DYDC2: variants seen among roughly 807,000 people sequenced by gnomAD.
DYDC2 encodes the protein DPY30 domain-containing protein 2.
Under a neutral mutation model 18.7 loss-of-function variants are expected in DYDC2, and 19 were observed. The ratio of observed to expected loss-of-function variants is 1.02; its 90% CI spans 0.71 to 1.49. The LOEUF (loss-of-function observed/expected upper bound fraction) is 1.49, where lower values mean the gene tolerates loss of function less well. Ranked by LOEUF, DYDC2 falls within the 40% of genes most tolerant of loss-of-function variation. The pLI, the probability that DYDC2 is intolerant of heterozygous loss-of-function variation, is 0.00. For missense variants in DYDC2, 179 were observed against 205.1 expected, an observed-to-expected ratio of 0.87 and a Z score of 0.78; for synonymous variants, 63 against 67.6, an observed-to-expected ratio of 0.93 and a Z score of 0.34.
chr10:80,354,890 T>C (rs537450923), upstream of DYDC2, among the ~76,000 whole-genome samples: 32 of 152,124 alleles, frequency 2.1e-4, no homozygotes, highest in Non-Finnish European at 3.5e-4. Flanking sequence ...GGTAATTTGC[T>C]ACAGCAGCGC....
chr10:80,345,712 A>G (rs1244651230), intron 1 of DYDC2, among the ~76,000 whole-genome samples: 1 of 151,818 alleles, frequency 6.6e-6, no homozygotes, highest in Non-Finnish European at 1.5e-5. Context: ...GGTTTATTTC[A>G]CTTAACATCA....
intron 2 of DYDC2, among the ~76,000 whole-genome samples, chr10:80,358,660 G>A (rs2132882007): frequency 6.6e-6 from 1 of 152,324 alleles, no homozygotes; most frequent in African/African-American, 2.4e-5. Flanking sequence ...AGGCAAAGTA[G>A]ATTGGTAACT....
rs1267961390 is a variant in DYDC2, at chr10:80,366,758, A to G, written c.341A>G (p.Lys114Arg). 2.5e-6 allele frequency: 4 copies of G among 1,614,080 alleles called. No homozygotes were observed. In the Admixed American group the frequency reaches 6.7e-5, roughly 27 times the overall value. The change falls in exon 5 of 5, where the codon AAG (lysine) becomes AGG (arginine). Residue 114 changes from lysine to arginine, a missense_variant. By Grantham distance (26) the Lys-to-Arg change is conservative. Transcript: ENST00000256039. ...CAGGAGGACACAAACCCCCTTGAGA[A>G]GGAGGCCTTGAAGCAGGAATTCCTG... ...FMQEDTNPLE[K>R]EALKQEFLPG...
chr10:80,363,656 T>G (rs1843737208), intron 4 of DYDC2, among the ~76,000 whole-genome samples: 1 of 152,184 alleles, frequency 6.6e-6, no homozygotes, highest in South Asian at 2.1e-4. Context: ...CCAAAAAATC[T>G]GATTTTTAAA....
At chr10:80,353,505 A>G (rs763470114), upstream of DYDC2, among the ~76,000 whole-genome samples, 4 of 151,536 alleles carry the variant, frequency 2.6e-5, no homozygotes, top group Non-Finnish European at 5.9e-5. Context: ...TGGAGCAACC[A>G]ATCTCTTTCA....
At chr10:80,361,784 C>T (rs1025561546) in intron 2 of DYDC2, among the ~76,000 whole-genome samples, 1 of 152,206 alleles carries the variant, frequency 6.6e-6, no homozygotes, top group Non-Finnish European at 1.5e-5. Flanking sequence ...GCTGGCTTCT[C>T]TGTCCCCAAC....
At chr10:80,362,694 G>A in intron 3 of DYDC2, 104 bp downstream of exon 3, 1 of 1,492,128 alleles carries the variant, frequency 6.7e-7, no homozygotes, top group Admixed American at 2.3e-5. Flanking sequence ...GAATTTCTTG[G>A]TTTATTTGAC....
intron 1 of DYDC2, among the ~76,000 whole-genome samples, chr10:80,347,266 A>C (rs1428927966): frequency 1.8e-5 from 2 of 111,758 alleles, no homozygotes; most frequent in African/African-American, 7.0e-5. Flanking sequence ...CCCATTTTTT[A>C]ATTGGGATCC....
chr10:80,347,276 C>CTTTTTTT (rs556362145), intron 1 of DYDC2, among the ~76,000 whole-genome samples: 22 of 90,120 alleles, frequency 2.4e-4, no homozygotes, highest in Non-Finnish European at 3.6e-4. Context: ...AATTGGGATC[C>CTTTTTTT]TTTTTTTTTT....
chr10:80,358,103 G>T, intron 2 of DYDC2, 58 bp downstream of exon 2: 2 of 978,768 alleles, frequency 2.0e-6, no homozygotes, highest in Non-Finnish European at 2.4e-6. Flanking sequence ...TTGGCCAGGC[G>T]CGGTGGCTCA....
intron 4 of DYDC2, 33 bp downstream of exon 4, chr10:80,363,106 A>G: frequency 6.3e-7 from 1 of 1,595,570 alleles, no homozygotes; most frequent in Non-Finnish European, 8.5e-7. Flanking sequence ...GGGTTGCCAC[A>G]CACATCCCAG....
In DYDC2 at chr10:80,363,007, GGAAATGACA is replaced by G. The variant is rs1298861149; in HGVS notation, c.211_219del (p.Thr71_Met73del). On this transcript the variant is annotated inframe_deletion, in exon 4 of 5. Transcript: ENST00000256039. ...AATATGACAGTAGCCTCAAGGAAAT[GGAAATGACA>G]GAAATGCTGAAACAGGAAGAGTATC... The G allele has an allele frequency of 6.2e-7, 1 of 1,613,872 alleles. No individual in the cohort carries two copies. The highest frequency in any genetic ancestry group is 2.2e-5 in the East Asian group (1 of 44,870).
chr10:80,355,762 G>A (rs968306338), upstream of DYDC2, among the ~76,000 whole-genome samples: 1 of 152,172 alleles, frequency 6.6e-6, no homozygotes, highest in Non-Finnish European at 1.5e-5. Context: ...GAATGTGTAT[G>A]TGTGTATATG....
At position 80,362,492 on chromosome 10, in the gene DYDC2, G is replaced by A; in HGVS notation, c.49G>A (p.Ala17Thr). 6.2e-7 allele frequency: 1 copy of A among 1,614,120 alleles called. No individual in the cohort carries two copies. Among genetic ancestry groups the A allele is most frequent in the Non-Finnish European group, 8.5e-7 (1 of 1,179,992 alleles). The change falls in exon 3 of 5, where the codon GCA (alanine) becomes ACA (threonine). Residue 17 changes from alanine to threonine, a missense_variant. By Grantham distance (58) the Ala-to-Thr change is moderately conservative. Transcript: ENST00000256039. ...KRCFGNCLAQ[A>T]LAEVAKVRPS... ...GTGCTTTGGAAATTGCCTGGCCCAG[G>A]CACTGGCAGAGGTGGCGAAGGTTCG...
At chr10:80,355,986 T>TAAA (rs370903702), upstream of DYDC2, among the ~76,000 whole-genome samples, 279 of 118,872 alleles carry the variant, frequency 2.3e-3, 1 homozygote, top group South Asian at 4.9e-3. Context: ...GAAGTGAAGT[T>TAAA]AAAAAAAAAA....
upstream of DYDC2, chr10:80,356,449 G>C: frequency 8.1e-6 from 8 of 985,374 alleles, no homozygotes; most frequent in Non-Finnish European, 9.6e-6. Context: ...CAACCTCCCG[G>C]GGCGCTCAGT....
intron 1 of DYDC2, among the ~76,000 whole-genome samples, chr10:80,346,208 A>T (rs56080607): frequency 0.19 from 28,976 of 152,068 alleles, 3,301 homozygotes; most frequent in South Asian, 0.44. Flanking sequence ...AATCTTGGCT[A>T]TTGTAAATAA....
At chr10:80,351,345 A>T (rs145923205) in intron 1 of DYDC2, among the ~76,000 whole-genome samples, 7 of 151,396 alleles carry the variant, frequency 4.6e-5, no homozygotes, top group Admixed American at 3.3e-4. Context: ...CGAATCATCC[A>T]CTCTATTTCC....
At position 80,367,189 on chromosome 10, in the gene DYDC2, A is replaced by G. The variant is rs1274996383; in HGVS notation, c.*238A>G. The G allele has an allele frequency of 1.1e-5, 5 of 468,592 alleles. No homozygotes were observed. Among genetic ancestry groups the G allele is most frequent in the Non-Finnish European group, 1.5e-5 (4 of 273,370 alleles). 29.0% of individuals were successfully genotyped at this position (468,592 alleles called of 1,614,324 possible). ...GGCTGTGACTTTTTCCTCTTGTTTTATCAACGTTTTGGAGACTACACAATG... is the reference window on the plus strand; with the variant it reads ...GGCTGTGACTTTTTCCTCTTGTTTTGTCAACGTTTTGGAGACTACACAATG... On this transcript the variant is annotated 3_prime_UTR_variant, in exon 5 of 5. Coordinates refer to ENST00000256039, the MANE Select transcript of DYDC2 (RefSeq NM_032372.6).
Sources: allele counts gnomAD v4.1 joint callset (sites outside exome capture counted in the v4.1 genomes callset), GRCh38; gene constraint gnomAD v4.1.1; transcripts MANE v1.5; gene names NCBI Gene and HGNC (gene_info 2026-07-23, HGNC 2026-07-21).